Variants in SLC26A2 observed in about 807,000 individuals in gnomAD.
SLC26A2 encodes solute carrier family 26 member 2.
In SLC26A2, 36 loss-of-function variants were observed where a neutral mutation model predicts 41.1. The observed-to-expected ratio is 0.88, with a 90% CI of 0.67 to 1.16. The LOEUF (loss-of-function observed/expected upper bound fraction) is 1.16. SLC26A2 is among the 50% of genes most tolerant of loss of function. The pLI is 0.00. For synonymous variants in SLC26A2, 291 were observed against 311.6 expected (o/e 0.93, Z 0.70); for missense variants, 796 against 869.6 (o/e 0.92, Z 1.07).
rs1255627363 is a variant in SLC26A2, at chr5:149,981,855, AT to A, written c.*45del. The stretch of plus-strand genomic sequence containing the variant: ...AAGAATGTCTAGCCAATAGGTTAAA[AT>A]TTCAAGTGTCCAACATTTCCCAGTT... On this transcript the variant is annotated 3_prime_UTR_variant, in exon 3 of 3. Coordinates refer to ENST00000286298, the MANE Select transcript of SLC26A2 (RefSeq NM_000112.4). 6.7e-7 allele frequency: 1 copy of A among 1,486,620 alleles called. No homozygotes were observed. Among genetic ancestry groups the A allele is most frequent in the Non-Finnish European group, 9.3e-7 (1 of 1,071,756 alleles). 92.1% of individuals were successfully genotyped at this position (1,486,620 alleles called of 1,614,324 possible). A position where few individuals can be genotyped will look rare whatever the true frequency, so the allele number is the denominator to read the frequency against.
chr5:149,977,901 C>G lies in SLC26A2; in HGVS notation c.249C>G (p.Ala83=). 1 of 1,614,152 alleles carries G rather than the reference C, an allele frequency of 6.2e-7. No individual in the cohort carries two copies. The highest frequency in any genetic ancestry group is 8.5e-7 in the Non-Finnish European group (1 of 1,180,016). Residue 83 remains alanine (A), a synonymous_variant, in exon 2 of 3, where the codon GCC becomes GCG. Coordinates refer to ENST00000286298, the MANE Select transcript of SLC26A2 (RefSeq NM_000112.4). ...KLQKNCQCSP[A]KAKNMILGFL... is the part of the protein sequence containing the mutation. ...AGAAGAATTGCCAGTGCAGTCCAGCCAAAGCCAAAAATATGATTTTAGGTT... is the reference window on the plus strand; with the variant it reads ...AGAAGAATTGCCAGTGCAGTCCAGCGAAAGCCAAAAATATGATTTTAGGTT...
At position 149,981,381 on chromosome 5, in the gene SLC26A2, A is replaced by C. The variant is rs776206829; in HGVS notation, c.1788A>C (p.Lys596Asn). Residue 596 changes from lysine (K) to asparagine (N), a missense_variant, in exon 3 of 3, where the codon AAA becomes AAC. By Grantham distance (94) the Lys-to-Asn change is moderately conservative. Coordinates refer to ENST00000286298, the MANE Select transcript of SLC26A2 (RefSeq NM_000112.4). ...PLYYINKECFKSALYKQTVNP... is the reference protein window; with the variant it reads ...PLYYINKECFNSALYKQTVNP... ...ACTACATAAACAAAGAATGCTTTAA[A>C]TCTGCTTTATACAAACAAACTGTCA... 2 of 1,613,996 alleles carry C rather than the reference A, an allele frequency of 1.2e-6. No individual in the cohort carries two copies. The highest frequency in any genetic ancestry group is 2.7e-5 in the African/African-American group (2 of 74,922).
chr5:149,974,068 G>A (rs1192681029), intron 1 of SLC26A2, among the ~76,000 whole-genome samples: 2 of 152,190 alleles, frequency 1.3e-5, no homozygotes, highest in African/African-American at 4.8e-5. Flanking sequence ...AGAATCACTT[G>A]AGCCCAGGAG....
chr5:149,965,315 A>G (rs1316435644), intron 1 of SLC26A2, among the ~76,000 whole-genome samples: 2 of 151,986 alleles, frequency 1.3e-5, no homozygotes, highest in African/African-American at 4.8e-5. Context: ...CCCTGTCTCT[A>G]CTAAAAATAC....
At chr5:149,973,215 C>G (rs1205861389) in intron 1 of SLC26A2, among the ~76,000 whole-genome samples, 2 of 152,094 alleles carry the variant, frequency 1.3e-5, no homozygotes, top group Non-Finnish European at 2.9e-5. Context: ...CCAATTCCCC[C>G]TCCCATTCTG....
intron 1 of SLC26A2, among the ~76,000 whole-genome samples, chr5:149,963,163 G>A (rs1561809977): frequency 6.6e-6 from 1 of 152,026 alleles, no homozygotes; most frequent in Non-Finnish European, 1.5e-5. Context: ...AGGCTGGAGT[G>A]CGGTGGCGCC....
chr5:149,980,227 A>C, intron 2 of SLC26A2, 66 bp from the exon 3 acceptor site: 1 of 1,262,750 alleles, frequency 7.9e-7, no homozygotes, highest in Non-Finnish European at 1.2e-6. Flanking sequence ...AAGAAATGTC[A>C]GGATAATATA....
intron 1 of SLC26A2, among the ~76,000 whole-genome samples, chr5:149,963,710 C>T (rs1055183301): frequency 3.3e-5 from 5 of 150,416 alleles, no homozygotes; most frequent in East Asian, 1.9e-4. Flanking sequence ...CCCCTGCACC[C>T]GGCCTGCTAT....
At position 149,980,721 on chromosome 5, in the gene SLC26A2, G is replaced by C. The variant is rs771204785; in HGVS notation, c.1128G>C (p.Trp376Cys). The change falls in exon 3 of 3, where the codon TGG becomes TGC. Residue 376 changes from tryptophan (W) to cysteine (C), a missense_variant. Coordinates refer to ENST00000286298, the MANE Select transcript of SLC26A2 (RefSeq NM_000112.4). The stretch of plus-strand genomic sequence containing the variant: ...TTATGCCACCCAAAGTACCAGAATG[G>C]AACCTAATTCCTAGTGTGGCTGTAG... ...TGFMPPKVPE[W>C]NLIPSVAVDA... The C allele has an allele frequency of 4.3e-6, 7 of 1,613,884 alleles. No homozygotes were observed.
At chr5:149,963,579 A>AT (rs1754751853) in intron 1 of SLC26A2, among the ~76,000 whole-genome samples, 1 of 151,078 alleles carries the variant, frequency 6.6e-6, no homozygotes, top group South Asian at 2.1e-4. Context: ...GCCTGGCCTA[A>AT]TTTTTTGTAT....
chr5:149,974,769 A>G lies in SLC26A2; in HGVS notation c.-25-2859A>G, dbSNP rs114837421. Among the ~76,000 whole-genome samples the G allele has an allele frequency of 3.3e-3, 411 of 123,666 alleles. 4 individuals carry two copies. The highest frequency in any genetic ancestry group is 0.013 in the African/African-American group (392 of 30,986). 81.1% of individuals were successfully genotyped at this position (123,666 alleles called of 152,430 possible). On this transcript the variant is annotated intron_variant, in intron 1 of 2. Transcript: ENST00000286298. ...AGAAGGAGTTTTCCTCTTGCTGTCC[A>G]GACAGGAGTGCAATGGCGTGATCTC...
At chr5:149,963,143 C>T (rs1291494776) in intron 1 of SLC26A2, among the ~76,000 whole-genome samples, 2 of 151,590 alleles carry the variant, frequency 1.3e-5, no homozygotes, top group African/African-American at 4.9e-5. Flanking sequence ...GAGTTTCACT[C>T]TTGTTGCCCA....
rs1457820766 is a variant in SLC26A2, at chr5:149,984,247, T to G, written c.*2434T>G. The G allele has an allele frequency of 1.3e-5, 2 of 152,240 alleles. No individual in the cohort carries two copies. The highest frequency in any genetic ancestry group is 4.1e-4 in the South Asian group (2 of 4,834). The allele number at this position is 152,240 out of a possible 1,614,324, so 9.4% of individuals were successfully genotyped here. ...GAAACATTTAAGATGTCACTAGAAT[T>G]TACATTTCATCCTCTCTACTTGGGT... On this transcript the variant is annotated 3_prime_UTR_variant, in exon 3 of 3. Coordinates refer to ENST00000286298, the MANE Select transcript of SLC26A2 (RefSeq NM_000112.4).
chr5:149,970,333 C>A (rs1223731129), intron 1 of SLC26A2, among the ~76,000 whole-genome samples: 3 of 152,040 alleles, frequency 2.0e-5, no homozygotes, highest in Non-Finnish European at 2.9e-5. Context: ...CATAGCAAGA[C>A]CCTGTCTCTA....
At chr5:149,967,119 T>G (rs1474124729) in intron 1 of SLC26A2, among the ~76,000 whole-genome samples, 1 of 152,216 alleles carries the variant, frequency 6.6e-6, no homozygotes, top group East Asian at 1.9e-4. Flanking sequence ...ACTATGATCA[T>G]GCCACTGCAC....
rs1754689226 is a variant in SLC26A2 at position 149,960,877 on chromosome 5, G to C, written c.-128G>C. On this transcript the variant is annotated 5_prime_UTR_variant, in exon 1 of 3. Transcript: ENST00000286298. ...GAGCGATGGGCGGGGAAAGGGACAG[G>C]CAGGTATAGCTCTGTCGGCGCCGCG... 1 of 152,338 alleles carries C rather than the reference G, an allele frequency of 6.6e-6. No individual in the cohort carries two copies. The allele number at this position is 152,338 out of a possible 1,614,324, so 9.4% of individuals were successfully genotyped here.
chr5:149,978,928 G>T (rs1755046187), intron 2 of SLC26A2, among the ~76,000 whole-genome samples: 1 of 151,448 alleles, frequency 6.6e-6, no homozygotes, highest in Non-Finnish European at 1.5e-5. Flanking sequence ...ACGTTGCCCA[G>T]GCTGGTTTCA....
chr5:149,964,749 C>T (rs1754773615), intron 1 of SLC26A2, among the ~76,000 whole-genome samples: 1 of 151,836 alleles, frequency 6.6e-6, no homozygotes, highest in Non-Finnish European at 1.5e-5. Flanking sequence ...TGCACTCCAG[C>T]CTGGGCAACA....
At chr5:149,963,082 A>ATATATATT (rs1453062185) in intron 1 of SLC26A2, among the ~76,000 whole-genome samples, 7,050 of 138,054 alleles carry the variant, frequency 0.051, 598 homozygotes, top group African/African-American at 0.19. Flanking sequence ...CAGTGGTGCT[A>ATATATATT]TATTTATTTA....
Sources: gnomAD v4.1 joint callset for allele counts (sites outside exome capture counted in the v4.1 genomes callset) on GRCh38, gnomAD v4.1.1 for gene constraint, MANE v1.5 for transcripts, NCBI Gene and HGNC (gene_info 2026-07-23, HGNC 2026-07-21) for gene names.